The following SNTG1 variants were observed in gnomAD, a reference collection of about 807,000 sequenced individuals.
SNTG1 encodes the protein syntrophin gamma 1.
A neutral mutation model predicts 74.7 loss-of-function variants in SNTG1; 39 were observed. The observed-to-expected ratio is 0.52, with a 90% confidence interval of 0.40 to 0.68. The LOEUF is 0.68. Among genes scored for constraint, SNTG1 ranks in the 30% least tolerant of loss-of-function variants. The pLI is 0.00. For synonymous variants in SNTG1, 254 were observed against 217.1 expected, an observed-to-expected ratio of 1.17 and a Z score of -1.49; for missense variants, 685 against 609.5, an observed-to-expected ratio of 1.12 and a Z score of -1.30.
intron 1 of SNTG1, among the ~76,000 whole-genome samples, chr8:50,153,208 G>T (rs1166973516): frequency 6.6e-6 from 1 of 152,084 alleles, no homozygotes; most frequent in Non-Finnish European, 1.5e-5. Context: ...GGCTACTGAA[G>T]CTTGTGCATG....
chr8:50,615,432 A>C (rs1216043334), intron 13 of SNTG1, among the ~76,000 whole-genome samples: 1 of 152,220 alleles, frequency 6.6e-6, no homozygotes, highest in Non-Finnish European at 1.5e-5. Context: ...TGGGGAGAAA[A>C]CTATTCTGCT....
intron 17 of SNTG1, among the ~76,000 whole-genome samples, chr8:50,746,813 C>A (rs1471097864): frequency 2.0e-5 from 3 of 146,856 alleles, no homozygotes; most frequent in Non-Finnish European, 4.5e-5. Context: ...TATATATTTG[C>A]ATATACATAT....
intron 13 of SNTG1, among the ~76,000 whole-genome samples, chr8:50,598,651 G>A (rs975459944): frequency 3.9e-5 from 6 of 151,944 alleles, no homozygotes; most frequent in African/African-American, 1.4e-4. Flanking sequence ...CATTAAATAT[G>A]TAGATGGCTT....
chr8:50,773,335 C>T (rs1014210208), intron 18 of SNTG1, among the ~76,000 whole-genome samples: 2 of 151,960 alleles, frequency 1.3e-5, no homozygotes, highest in South Asian at 2.1e-4. Flanking sequence ...ATGAATGTGC[C>T]GAGCTATGCA....
At chr8:50,468,929 C>A (rs372221959) in intron 8 of SNTG1, among the ~76,000 whole-genome samples, 2 of 152,180 alleles carry the variant, frequency 1.3e-5, no homozygotes, top group African/African-American at 4.8e-5. Flanking sequence ...TCCTCCCTCC[C>A]ATCTCTTATG....
intron 12 of SNTG1, among the ~76,000 whole-genome samples, chr8:50,558,171 G>A (rs115898573): frequency 0.031 from 4,777 of 152,240 alleles, 120 homozygotes; most frequent in African/African-American, 0.057. Flanking sequence ...AATTTTTCCA[G>A]AACCTTTAGA....
chr8:50,616,219 A>G (rs1223525638), intron 13 of SNTG1, among the ~76,000 whole-genome samples: 1 of 152,240 alleles, frequency 6.6e-6, no homozygotes, highest in African/African-American at 2.4e-5. Flanking sequence ...ATATAAAATT[A>G]ACTGTTACAG....
chr8:50,189,115 C>T (rs2083478469), intron 2 of SNTG1, among the ~76,000 whole-genome samples: 1 of 152,178 alleles, frequency 6.6e-6, no homozygotes, highest in Non-Finnish European at 1.5e-5. Flanking sequence ...AAAACAACAA[C>T]TTATCCTTTA....
At chr8:50,782,039 G>C (rs1478993710) in intron 18 of SNTG1, among the ~76,000 whole-genome samples, 3 of 152,136 alleles carry the variant, frequency 2.0e-5, no homozygotes, top group Non-Finnish European at 2.9e-5. Flanking sequence ...GGCCCCCACT[G>C]TCTTCTGGCT....
At position 50,442,020 on chromosome 8, in the gene SNTG1, A is replaced by G. The variant is rs2093362248; in HGVS notation, c.219+3421A>G. On this transcript the variant is annotated intron_variant, in intron 5 of 18. Transcript: ENST00000642720. ...GCAAAAGTAAAGCCCGAAATGACGT[A>G]TGAGCACAATGTCCAGCTTTAGCGC... Among the ~76,000 whole-genome samples, 3 of 152,350 alleles carry G rather than the reference A, an allele frequency of 2.0e-5. No homozygotes were observed. The South Asian group carries it at 6.2e-4, about 32-fold the overall frequency.
chr8:50,621,557 G>A (rs16915100), intron 13 of SNTG1, among the ~76,000 whole-genome samples: 15,969 of 152,086 alleles, frequency 0.1, 2,043 homozygotes, highest in African/African-American at 0.29. Flanking sequence ...GTAGAGCCTC[G>A]ATAATACAAA....
At chr8:50,307,398 A>G (rs2089944894) in intron 2 of SNTG1, among the ~76,000 whole-genome samples, 1 of 152,012 alleles carries the variant, frequency 6.6e-6, no homozygotes, top group Non-Finnish European at 1.5e-5. Context: ...TGATTGGACT[A>G]TATGTAGTGG....
chr8:50,360,027 G>A (rs965135539), intron 2 of SNTG1, among the ~76,000 whole-genome samples: 1 of 152,064 alleles, frequency 6.6e-6, no homozygotes, highest in Non-Finnish European at 1.5e-5. Flanking sequence ...CTGTAGAAGA[G>A]TGAGGATAAA....
chr8:50,482,688 A>G (rs2093751016), intron 8 of SNTG1, among the ~76,000 whole-genome samples: 1 of 152,350 alleles, frequency 6.6e-6, no homozygotes, highest in Admixed American at 6.5e-5. Context: ...TGCCGAGGAC[A>G]CATAGATGCA....
intron 2 of SNTG1, among the ~76,000 whole-genome samples, chr8:50,280,665 T>G (rs976162263): frequency 2.6e-5 from 4 of 151,998 alleles, no homozygotes; most frequent in Admixed American, 2.0e-4. Flanking sequence ...TGACTGGCAA[T>G]TGGTTGAAAG....
At chr8:50,155,868 A>G (rs927046628) in intron 1 of SNTG1, among the ~76,000 whole-genome samples, 40 of 152,042 alleles carry the variant, frequency 2.6e-4, no homozygotes, top group Non-Finnish European at 4.9e-4. Flanking sequence ...GAAATGATGA[A>G]TAAAACAAAT....
chr8:50,024,893 A>G (rs1267525568), intron 1 of SNTG1, among the ~76,000 whole-genome samples: 1 of 152,124 alleles, frequency 6.6e-6, no homozygotes, highest in Non-Finnish European at 1.5e-5. Flanking sequence ...TCCCGTGGCA[A>G]GACGGACTGG....
At chr8:50,078,318 G>A (rs1038704517) in intron 1 of SNTG1, among the ~76,000 whole-genome samples, 1 of 151,980 alleles carries the variant, frequency 6.6e-6, no homozygotes, top group Non-Finnish European at 1.5e-5. Context: ...TGACAGTTAG[G>A]CTTTTATAGA....
chr8:49,992,069 C>G (rs968292008), intron 1 of SNTG1, among the ~76,000 whole-genome samples: 2 of 152,172 alleles, frequency 1.3e-5, no homozygotes, highest in Non-Finnish European at 2.9e-5. Context: ...TACAACATGT[C>G]TTCCTTTGCG....
Sources: allele counts gnomAD v4.1 joint callset (sites outside exome capture counted in the v4.1 genomes callset), GRCh38; gene constraint gnomAD v4.1.1; transcripts MANE v1.5; gene names NCBI Gene and HGNC (gene_info 2026-07-23, HGNC 2026-07-21).